Variants in ADD1 observed in about 807,000 individuals in gnomAD.
ADD1 encodes the protein adducin 1.
ADD1 carries 24 observed loss-of-function variants against 80.5 expected under a neutral mutation model. That is an observed-to-expected ratio of 0.30 (90% CI 0.22 to 0.42). The LOEUF (loss-of-function observed/expected upper bound fraction) is 0.42. ADD1 is among the 10% of genes least tolerant of loss of function. The pLI, the probability that ADD1 is intolerant of heterozygous loss-of-function variation, is 1.00. For synonymous variants in ADD1, 373 were observed against 393.8 expected (o/e 0.95, Z 0.63); for missense variants, 948 against 1,019.0 (o/e 0.93, Z 0.95).
At position 2,928,300 on chromosome 4, in the gene ADD1, C is replaced by A; in HGVS notation, c.2177C>A (p.Ala726Asp). The A allele has an allele frequency of 6.2e-7, 1 of 1,614,030 alleles. No homozygotes were observed. The highest frequency in any genetic ancestry group is 8.5e-7 in the Non-Finnish European group (1 of 1,180,012). ...GFPMLEKEEE[A>D]HRPPSPTEAP... Reference sequence around the variant, plus strand: ...CCAATGTTAGAGAAGGAGGAGGAAGCCCATAGACCCCCAAGCCCCACTGAG... The same window carrying A: ...CCAATGTTAGAGAAGGAGGAGGAAGACCATAGACCCCCAAGCCCCACTGAG... Residue 726 changes from alanine (A) to aspartate (D), a missense_variant, in exon 16 of 16, where the codon GCC (alanine) becomes GAC (aspartate). Coordinates refer to ENST00000683351, the MANE Select transcript of ADD1 (RefSeq NM_001354761.2).
intron 14 of ADD1, among the ~76,000 whole-genome samples, chr4:2,916,401 G>A (rs1259044649): frequency 6.6e-6 from 1 of 151,830 alleles, no homozygotes; most frequent in East Asian, 1.9e-4. Context: ...TCACCATGTT[G>A]GCCAGGACGG....
intron 9 of ADD1, 30 bp downstream of exon 9, chr4:2,899,465 AC>A: frequency 6.2e-7 from 1 of 1,613,312 alleles, no homozygotes. Context: ...TTGATGATAA[AC>A]CTTTTGTTCT....
At chr4:2,911,642 G>T (rs1738077615) in intron 13 of ADD1, among the ~76,000 whole-genome samples, 1 of 151,768 alleles carries the variant, frequency 6.6e-6, no homozygotes, top group African/African-American at 2.4e-5. Context: ...TTTTTGTAGA[G>T]ACTGGGTTCC....
intron 1 of ADD1, among the ~76,000 whole-genome samples, chr4:2,871,169 C>A (rs1281035600): frequency 6.6e-6 from 1 of 152,006 alleles, no homozygotes; most frequent in Non-Finnish European, 1.5e-5. Flanking sequence ...GATGGGGTTT[C>A]ACCGTGTTAG....
At chr4:2,863,715 TG>T (rs1729134548) in intron 1 of ADD1, among the ~76,000 whole-genome samples, 1 of 141,628 alleles carries the variant, frequency 7.1e-6, no homozygotes, top group African/African-American at 2.5e-5. Flanking sequence ...TACTACACCT[TG>T]TTTTTTTTTG....
chr4:2,898,086 C>T lies in ADD1; in HGVS notation c.742-98C>T, dbSNP rs915479850. ...TTCAAGAAGAGGACAAAAACATTTC[C>T]CTTCCCATTTTATTTCTGTGAGGAA... On this transcript the variant is annotated intron_variant, in intron 6 of 15. Coordinates refer to ENST00000683351, the MANE Select transcript of ADD1 (RefSeq NM_001354761.2). The T allele has an allele frequency of 7.8e-6, 11 of 1,414,494 alleles. No individual in the cohort carries two copies. The African/African-American group carries it at 8.6e-5, about 11-fold the overall frequency. 87.6% of individuals were successfully genotyped at this position (1,414,494 alleles called of 1,614,324 possible). A position where few individuals can be genotyped will look rare whatever the true frequency, so the allele number is the denominator to read the frequency against.
At chr4:2,870,189 CATT>C (rs927928515) in intron 1 of ADD1, among the ~76,000 whole-genome samples, 3 of 152,178 alleles carry the variant, frequency 2.0e-5, no homozygotes, top group African/African-American at 7.2e-5. Context: ...AGAATTCCCT[CATT>C]ATATATTTGA....
chr4:2,852,209 T>TTTCC (rs1445569147), intron 1 of ADD1, among the ~76,000 whole-genome samples: 1 of 127,376 alleles, frequency 7.9e-6, no homozygotes, highest in Non-Finnish European at 1.7e-5. Flanking sequence ...CTTTCTTTCC[T>TTTCC]TTCCTTTCTT....
Position 2,926,599 on chromosome 4 carries a change from C to G in ADD1, c.2047+487C>G, listed in dbSNP as rs1234976157. Reference sequence around the variant, plus strand: ...ATGGCTGTGACTGAATGCATAGATTCTCTCCTTGTGCTTTTTTCTCCCTGT... The same window carrying G: ...ATGGCTGTGACTGAATGCATAGATTGTCTCCTTGTGCTTTTTTCTCCCTGT... On this transcript the variant is annotated intron_variant, in intron 15 of 15. Transcript: ENST00000683351. This position sits in a 1 kb window ranked among gnomAD's most constrained non-coding sequence, Gnocchi z 5.0. The G allele has an allele frequency of 6.2e-7, 1 of 1,610,022 alleles. No individual in the cohort carries two copies. Among genetic ancestry groups the G allele is most frequent in the African/African-American group, 1.3e-5 (1 of 74,856 alleles).
In ADD1 at chr4:2,899,636, T is replaced by G. The variant is rs577848146; in HGVS notation, c.1161+201T>G. 4.7e-5 allele frequency: 30 copies of G among 637,044 alleles called. No individual in the cohort carries two copies. In the African/African-American group the frequency reaches 5.5e-4, roughly 12 times the overall value. 39.5% of individuals were successfully genotyped at this position (637,044 alleles called of 1,614,324 possible). On this transcript the variant is annotated intron_variant, in intron 9 of 15. Coordinates refer to ENST00000683351, the MANE Select transcript of ADD1 (RefSeq NM_001354761.2). ...AGAGGTGAAGGATTCCTGGTATTGT[T>G]TTATTTTTTAAAGATAACCTTGTGT... is the stretch of plus-strand genomic sequence containing the variant.
chr4:2,917,420 G>A (rs1281157711), intron 14 of ADD1, among the ~76,000 whole-genome samples: 10 of 151,834 alleles, frequency 6.6e-5, no homozygotes, highest in African/African-American at 2.2e-4. Flanking sequence ...CTTGTAGATC[G>A]TGGATATGAG....
intron 13 of ADD1, among the ~76,000 whole-genome samples, chr4:2,910,009 C>T (rs1310742952): frequency 6.8e-6 from 1 of 148,062 alleles, no homozygotes; most frequent in African/African-American, 2.5e-5. Flanking sequence ...TTTTAAATGC[C>T]ACAGAGGAGA....
chr4:2,918,240 T>C (rs566852933), intron 14 of ADD1, among the ~76,000 whole-genome samples: 9 of 152,342 alleles, frequency 5.9e-5, no homozygotes, highest in Non-Finnish European at 1.2e-4. Flanking sequence ...TCACATCCCT[T>C]GTAAGTTGTA....
intron 1 of ADD1, 189 bp downstream of exon 1, chr4:2,844,213 C>T (rs1409567005): frequency 6.6e-6 from 1 of 152,172 alleles, no homozygotes; most frequent in African/African-American, 2.4e-5. Flanking sequence ...GGCCTTCGGC[C>T]TGGGCCGAGC....
intron 11 of ADD1, 134 bp downstream of exon 11, chr4:2,907,978 C>A (rs572576433): frequency 2.9e-6 from 2 of 695,082 alleles, no homozygotes; most frequent in Admixed American, 2.2e-5. Flanking sequence ...GTGAAGCCAT[C>A]TCTTCACACC....
At chr4:2,852,612 A>G (rs547528644) in intron 1 of ADD1, among the ~76,000 whole-genome samples, 1 of 151,256 alleles carries the variant, frequency 6.6e-6, no homozygotes, top group South Asian at 2.1e-4. Flanking sequence ...CAGCAATGTC[A>G]CTGACCTAGG....
chr4:2,849,519 G>GTAAC (rs1726748030), intron 1 of ADD1, among the ~76,000 whole-genome samples: 1 of 152,192 alleles, frequency 6.6e-6, no homozygotes, highest in African/African-American at 2.4e-5. Flanking sequence ...CGCAGTAGAT[G>GTAAC]TAACTACATG....
At chr4:2,907,911 G>A in intron 11 of ADD1, 67 bp downstream of exon 11, 4 of 1,318,600 alleles carry the variant, frequency 3.0e-6, no homozygotes, top group South Asian at 1.2e-5. Flanking sequence ...AGCTGCTTTG[G>A]GGGGAGCGGG....
Position 2,909,397 on chromosome 4 carries a change from C to T in ADD1, c.1757C>T (p.Thr586Ile). 1 of 1,550,488 alleles carries T rather than the reference C, an allele frequency of 6.4e-7. No individual in the cohort carries two copies. The highest frequency in any genetic ancestry group is 8.7e-7 in the Non-Finnish European group (1 of 1,146,904). Residue 586 changes from threonine (T) to isoleucine (I), a missense_variant, in exon 13 of 16, where the codon ACC becomes ATC. Physicochemically the swap from Thr to Ile is moderately conservative, Grantham distance 89. Coordinates refer to ENST00000683351, the MANE Select transcript of ADD1 (RefSeq NM_001354761.2). ...GAAGGGCTCGAGCTTACAGAGCAGACCTTTAGTCCCGCTAAATCTCTCTCT... is the reference window on the plus strand; with the variant it reads ...GAAGGGCTCGAGCTTACAGAGCAGATCTTTAGTCCCGCTAAATCTCTCTCT... ...TIEGLELTEQ[T>I]FSPAKSLSFR...
Sources: allele counts gnomAD v4.1 joint callset (sites outside exome capture counted in the v4.1 genomes callset), GRCh38; gene constraint gnomAD v4.1.1; non-coding constraint Gnocchi (gnomAD v3.1); transcripts MANE v1.5; gene names NCBI Gene and HGNC (gene_info 2026-07-23, HGNC 2026-07-21).